WDFY4: variants seen among roughly 807,000 people sequenced by gnomAD.
WDFY4 encodes WDFY family member 4, also known as WD repeat- and FYVE domain-containing protein 4.
A neutral mutation model predicts 351.9 loss-of-function variants in WDFY4; 169 were observed. The ratio of observed to expected loss-of-function variants is 0.48; its 90% CI spans 0.42 to 0.55. The LOEUF is 0.55. WDFY4 is among the 20% of genes least tolerant of loss of function. The pLI, the probability that WDFY4 is intolerant of heterozygous loss-of-function variation, is 0.00. For missense variants in WDFY4, 3,803 were observed against 3,935.6 expected (o/e 0.97, Z 0.90); for synonymous variants, 1,622 against 1,574.6 (o/e 1.03, Z -0.71).
chr10:48,700,110 G>C (rs1316924628), intron 1 of WDFY4, among the ~76,000 whole-genome samples: 1 of 152,134 alleles, frequency 6.6e-6, no homozygotes, highest in East Asian at 1.9e-4. Context: ...GCAGGTTTTA[G>C]GCTGAAGGTT....
chr10:48,944,054 T>G (rs1216165424), intron 49 of WDFY4, among the ~76,000 whole-genome samples: 1 of 152,248 alleles, frequency 6.6e-6, no homozygotes, highest in Non-Finnish European at 1.5e-5. Flanking sequence ...TGATGCCATC[T>G]ACCAAGATGG....
rs183341131 is a variant in WDFY4, at chr10:48,750,231, C to T, written c.2459+6683C>T. 1.8e-4 allele frequency among the ~76,000 whole-genome samples: 27 copies of T among 152,332 alleles called. No homozygotes were observed. The East Asian group carries it at 5.2e-3, about 29-fold the overall frequency. On this transcript the variant is annotated intron_variant, in intron 12 of 61. Transcript: ENST00000325239. ...GGTGGGGGACAGTGTAGTTCCTGAACAGTTCACATGAAGGCCACACTGGCC... is the reference window on the plus strand; with the variant it reads ...GGTGGGGGACAGTGTAGTTCCTGAATAGTTCACATGAAGGCCACACTGGCC...
At chr10:48,756,517 G>A (rs369132706) in intron 12 of WDFY4, among the ~76,000 whole-genome samples, 4 of 151,972 alleles carry the variant, frequency 2.6e-5, no homozygotes, top group East Asian at 1.9e-4. Context: ...ACATCCAATA[G>A]CAATGGAGAG....
chr10:48,856,059 C>CA (rs544848625), intron 39 of WDFY4, among the ~76,000 whole-genome samples: 508 of 151,960 alleles, frequency 3.3e-3, no homozygotes, highest in Non-Finnish European at 5.0e-3. Context: ...ATTTTTAAAA[C>CA]AAAAAATGTA....
intron 43 of WDFY4, among the ~76,000 whole-genome samples, chr10:48,879,569 G>A (rs567407094): frequency 3.9e-5 from 6 of 152,328 alleles, no homozygotes; most frequent in African/African-American, 1.2e-4. Context: ...TTATTATCTC[G>A]AAAGTCTTGG....
chr10:48,857,371 G>A (rs1221641102), intron 39 of WDFY4, among the ~76,000 whole-genome samples: 1 of 151,690 alleles, frequency 6.6e-6, no homozygotes, highest in Non-Finnish European at 1.5e-5. Flanking sequence ...TCTTGGTGGT[G>A]GGGAATACAC....
At chr10:48,811,818 C>T (rs2067457258) in intron 30 of WDFY4, 110 bp downstream of exon 30, 7 of 1,179,238 alleles carry the variant, frequency 5.9e-6, no homozygotes, top group Non-Finnish European at 8.3e-6. Flanking sequence ...TCTTCCAGCT[C>T]AGATGGGGTG....
At chr10:48,937,127 C>T (rs1420045599) in intron 47 of WDFY4, among the ~76,000 whole-genome samples, 1 of 152,084 alleles carries the variant, frequency 6.6e-6, no homozygotes, top group African/African-American at 2.4e-5. Flanking sequence ...CTCCTGACCT[C>T]AGGTGATCCG....
intron 2 of WDFY4, among the ~76,000 whole-genome samples, chr10:48,710,550 C>T (rs1380609073): frequency 1.3e-5 from 2 of 152,148 alleles, no homozygotes. Context: ...TTACATTGTT[C>T]CATCACAAAC....
chr10:48,753,483 A>C (rs971885920), intron 12 of WDFY4, among the ~76,000 whole-genome samples: 4 of 152,176 alleles, frequency 2.6e-5, no homozygotes, highest in Admixed American at 2.6e-4. Context: ...TTTTCTCCTA[A>C]AAATTTTGTT....
intron 40 of WDFY4, among the ~76,000 whole-genome samples, chr10:48,868,754 G>T (rs776746590): frequency 1.3e-5 from 2 of 152,158 alleles, no homozygotes; most frequent in Admixed American, 6.5e-5. Flanking sequence ...TCTGCATCTC[G>T]TCTAGAGTGC....
At chr10:48,891,345 C>A (rs2070687347) in intron 44 of WDFY4, among the ~76,000 whole-genome samples, 3 of 152,192 alleles carry the variant, frequency 2.0e-5, no homozygotes, top group Admixed American at 2.0e-4. Flanking sequence ...ATGCCAAGTT[C>A]TTTAGGATCA....
rs1554824248 is a variant in WDFY4 at position 48,974,516 on chromosome 10, A to AAAAAAAAAAAAAAAAC, written c.8929-333_8929-332insAACAAAAAAAAAAAAA. On this transcript the variant is annotated intron_variant, in intron 57 of 61. Coordinates refer to ENST00000325239, the MANE Select transcript of WDFY4 (RefSeq NM_001394531.1). ...AGACTCCGTCTCAAAAAAAAAAAAA[A>AAAAAAAAAAAAAAAAC]AAAAAAAAAAAAACAACTCATGACA... is the stretch of plus-strand genomic sequence containing the variant. Among the ~76,000 whole-genome samples the AAAAAAAAAAAAAAAAC allele has an allele frequency of 1.3e-3, 21 of 16,324 alleles. 3 individuals carry two copies. Among genetic ancestry groups the AAAAAAAAAAAAAAAAC allele is most frequent in the East Asian group, 6.0e-3 (1 of 166 alleles). 10.7% of individuals were successfully genotyped at this position (16,324 alleles called of 152,430 possible).
intron 40 of WDFY4, among the ~76,000 whole-genome samples, chr10:48,867,581 C>A (rs1216165870): frequency 6.6e-6 from 1 of 152,208 alleles, no homozygotes; most frequent in African/African-American, 2.4e-5. Context: ...CACTGGCTCT[C>A]ATGCCAGTCA....
intron 43 of WDFY4, among the ~76,000 whole-genome samples, chr10:48,881,769 C>G (rs1475363245): frequency 2.0e-5 from 3 of 152,146 alleles, no homozygotes; most frequent in African/African-American, 7.2e-5. Context: ...CACTTCTCCT[C>G]CCCCTCACAC....
chr10:48,813,409 T>A (rs2067522388), intron 30 of WDFY4, among the ~76,000 whole-genome samples: 1 of 152,244 alleles, frequency 6.6e-6, no homozygotes, highest in Admixed American at 6.5e-5. Flanking sequence ...GTGTTGGAAC[T>A]TGTGATAGAT....
chr10:48,874,535 T>C (rs912263659), intron 41 of WDFY4, among the ~76,000 whole-genome samples: 6 of 152,178 alleles, frequency 3.9e-5, no homozygotes, highest in African/African-American at 1.4e-4. Context: ...TAAAATCTAA[T>C]GAAAAAATTA....
intron 1 of WDFY4, among the ~76,000 whole-genome samples, chr10:48,696,423 T>C (rs116085337): frequency 6.6e-6 from 1 of 152,368 alleles, no homozygotes; most frequent in African/African-American, 2.4e-5. Flanking sequence ...AGGCTTGGTC[T>C]TGGAGGCAGC....
chr10:48,735,402 C>G (rs10857627), intron 10 of WDFY4, among the ~76,000 whole-genome samples: 85,213 of 152,094 alleles, frequency 0.56, 24,031 homozygotes, highest in East Asian at 0.65. Flanking sequence ...AGAGAGAAGA[C>G]AGAAAATTGT....
Sources: gnomAD v4.1 joint callset for allele counts (sites outside exome capture counted in the v4.1 genomes callset) on GRCh38, gnomAD v4.1.1 for gene constraint, MANE v1.5 for transcripts, NCBI Gene and HGNC (gene_info 2026-07-23, HGNC 2026-07-21) for gene names.